Variants in COL25A1 observed in about 807,000 individuals in gnomAD.
The protein encoded by COL25A1 is collagen alpha-1(XXV) chain.
Under a neutral mutation model 128.4 loss-of-function variants are expected in COL25A1, and 103 were observed. The ratio of observed to expected loss-of-function variants is 0.80; its 90% CI spans 0.68 to 0.94. COL25A1 has a LOEUF of 0.94. Ranked by LOEUF, COL25A1 falls within the 40% of genes least tolerant of loss-of-function variation. COL25A1 has a pLI of 0.00. For synonymous variants in COL25A1, 279 were observed against 277.2 expected (o/e 1.01, Z -0.06); for missense variants, 745 against 840.0 (o/e 0.89, Z 1.40).
intron 6 of COL25A1, among the ~76,000 whole-genome samples, chr4:108,982,026 T>G (rs1753023914): frequency 6.6e-6 from 1 of 151,894 alleles, no homozygotes; most frequent in Non-Finnish European, 1.5e-5. Flanking sequence ...AAACCTCGTC[T>G]CTACTAAAAA....
At chr4:109,015,964 T>A (rs1429958918) in intron 5 of COL25A1, among the ~76,000 whole-genome samples, 4 of 152,176 alleles carry the variant, frequency 2.6e-5, no homozygotes, top group African/African-American at 7.2e-5. Flanking sequence ...GGCTGTATGC[T>A]CCATGAAGCC....
intron 8 of COL25A1, among the ~76,000 whole-genome samples, chr4:108,945,724 C>T (rs1399991664): frequency 6.6e-6 from 1 of 152,108 alleles, no homozygotes; most frequent in Non-Finnish European, 1.5e-5. Flanking sequence ...AGTGTAGTGG[C>T]GCGATCTCGG....
At chr4:108,955,482 G>A (rs1399000146) in intron 8 of COL25A1, among the ~76,000 whole-genome samples, 1 of 152,156 alleles carries the variant, frequency 6.6e-6, no homozygotes, top group Non-Finnish European at 1.5e-5. Flanking sequence ...TTCACAAATT[G>A]CAGAGTGGAC....
chr4:108,933,635 A>G (rs749047249), intron 11 of COL25A1, among the ~76,000 whole-genome samples: 26 of 152,200 alleles, frequency 1.7e-4, no homozygotes, highest in Non-Finnish European at 2.9e-4. Flanking sequence ...TTGTTTTAAT[A>G]GTAGTACTTC....
chr4:109,283,281 T>C (rs1301843336), intron 3 of COL25A1, among the ~76,000 whole-genome samples: 4 of 152,172 alleles, frequency 2.6e-5, no homozygotes, highest in Non-Finnish European at 4.4e-5. Context: ...AGGGTCTCAC[T>C]CTATTGTATA....
intron 3 of COL25A1, among the ~76,000 whole-genome samples, chr4:109,178,827 T>A: frequency 2.1e-5 from 2 of 93,272 alleles, no homozygotes; most frequent in South Asian, 8.1e-4. Flanking sequence ...AGAGCAAGAC[T>A]CCATCTCCAA....
chr4:108,852,174 T>A, intron 26 of COL25A1, 62 bp downstream of exon 26: 1 of 1,264,278 alleles, frequency 7.9e-7, no homozygotes, highest in Non-Finnish European at 1.1e-6. Context: ...AAGATGCATA[T>A]ACTTAATACG....
chr4:109,200,455 C>T (rs1055141462), intron 3 of COL25A1, among the ~76,000 whole-genome samples: 17 of 151,666 alleles, frequency 1.1e-4, no homozygotes, highest in Non-Finnish European at 2.1e-4. Flanking sequence ...TCTCTCCTAA[C>T]GTATCTTTTG....
chr4:108,884,238 A>T lies in COL25A1; in HGVS notation c.976-16T>A, dbSNP rs1250545276. The T allele has an allele frequency of 9.9e-6, 16 of 1,609,404 alleles. No homozygotes were observed. Among genetic ancestry groups the T allele is most frequent in the Non-Finnish European group, 1.4e-5 (16 of 1,176,070 alleles). ...CTGGTTCACCCTACACAGGAAAATC[A>T]TATAGCATTATAGAATGATATTCAC... On this transcript the variant is annotated splice_polypyrimidine_tract_variant and intron_variant, in intron 18 of 37. Coordinates refer to ENST00000399132, the MANE Select transcript of COL25A1 (RefSeq NM_198721.4).
chr4:108,955,736 A>G (rs1749997127), intron 8 of COL25A1, among the ~76,000 whole-genome samples: 1 of 151,792 alleles, frequency 6.6e-6, no homozygotes, highest in Admixed American at 6.6e-5. Flanking sequence ...AAAATAATAG[A>G]TCTATTTTTT....
At chr4:108,978,201 C>T (rs1752622787) in intron 6 of COL25A1, among the ~76,000 whole-genome samples, 2 of 152,198 alleles carry the variant, frequency 1.3e-5, no homozygotes, top group African/African-American at 4.8e-5. Flanking sequence ...AGTATGGCGT[C>T]CTGGCACCTG....
chr4:108,856,502 G>A (rs910118032), intron 24 of COL25A1, among the ~76,000 whole-genome samples: 3 of 152,074 alleles, frequency 2.0e-5, no homozygotes, highest in Admixed American at 6.6e-5. Context: ...AGAATTAGAA[G>A]AATAAATGTC....
chr4:109,187,924 C>A (rs1266304982), intron 3 of COL25A1, among the ~76,000 whole-genome samples: 1 of 151,950 alleles, frequency 6.6e-6, no homozygotes, highest in Non-Finnish European at 1.5e-5. Context: ...TTAAGCAGCC[C>A]CTAAAGCAAG....
In COL25A1 at chr4:108,811,149, A is replaced by G. The variant is rs1230985799; in HGVS notation, c.*2778T>C. ...ACAAACACAATTCTTTCATTCACTTAGAAATTATTTAAGAATTCTCTATAT... is the reference window on the plus strand; with the variant it reads ...ACAAACACAATTCTTTCATTCACTTGGAAATTATTTAAGAATTCTCTATAT... On this transcript the variant is annotated 3_prime_UTR_variant, in exon 38 of 38. Coordinates refer to ENST00000399132, the MANE Select transcript of COL25A1 (RefSeq NM_198721.4). 6.6e-6 allele frequency: 1 copy of G among 152,062 alleles called. No individual in the cohort carries two copies. The highest frequency in any genetic ancestry group is 1.5e-5 in the Non-Finnish European group (1 of 67,904). The allele number at this position is 152,062 out of a possible 1,614,324, so 9.4% of individuals were successfully genotyped here. A position where few individuals can be genotyped will look rare whatever the true frequency, so the allele number is the denominator to read the frequency against.
intron 3 of COL25A1, among the ~76,000 whole-genome samples, chr4:109,096,778 G>A (rs1036956939): frequency 4.6e-5 from 7 of 152,014 alleles, no homozygotes; most frequent in African/African-American, 7.3e-5. Flanking sequence ...GTCATAGAAC[G>A]GCACTCAGCT....
At chr4:109,222,769 C>T (rs1778515710) in intron 3 of COL25A1, among the ~76,000 whole-genome samples, 1 of 152,080 alleles carries the variant, frequency 6.6e-6, no homozygotes, top group African/African-American at 2.4e-5. Context: ...TTAAGCAAAC[C>T]TATATTGCTG....
chr4:109,260,598 C>T (rs913775275), intron 3 of COL25A1, among the ~76,000 whole-genome samples: 1 of 152,128 alleles, frequency 6.6e-6, no homozygotes, highest in African/African-American at 2.4e-5. Flanking sequence ...CAGGTTCAAG[C>T]CATTCTCCTG....
At position 109,301,828 on chromosome 4, in the gene COL25A1, G is replaced by A. The variant is rs1209283275; in HGVS notation, c.192C>T (p.Ala64=). 1.2e-6 allele frequency: 2 copies of A among 1,614,146 alleles called. No individual in the cohort carries two copies. Among genetic ancestry groups the A allele is most frequent in the Non-Finnish European group, 1.7e-6 (2 of 1,180,060 alleles). Residue 64 remains alanine (A), a synonymous_variant, in exon 2 of 38, where the codon GCC becomes GCT. Transcript: ENST00000399132. ...GGGCCCCTTTGGCGGATTCGAGAGC[G>A]GCGATCCTCGCCTGGAGGTCGTTGG... ...VKTNDLQARI[A]ALESAKGAPS...
chr4:108,852,307 A>C (rs1331441583), intron 25 of COL25A1, 27 bp from the exon 26 acceptor site: 7 of 1,564,786 alleles, frequency 4.5e-6, no homozygotes, highest in Non-Finnish European at 6.1e-6. Context: ...CACAGTTTTT[A>C]AAAGTAGTAA....
Sources: gnomAD v4.1 joint callset for allele counts (sites outside exome capture counted in the v4.1 genomes callset) on GRCh38, gnomAD v4.1.1 for gene constraint, MANE v1.5 for transcripts, NCBI Gene and HGNC (gene_info 2026-07-23, HGNC 2026-07-21) for gene names.